The following NELL2 variants were observed in gnomAD, a reference collection of about 807,000 sequenced individuals.
NELL2 encodes protein kinase C-binding protein NELL2.
In NELL2, 41 loss-of-function variants were observed where a neutral mutation model predicts 109.6. The observed-to-expected ratio is 0.37, with a 90% CI of 0.29 to 0.49. NELL2 has a LOEUF of 0.49. Ranked by LOEUF, NELL2 falls within the 20% of genes least tolerant of loss-of-function variation. The probability of loss-of-function intolerance (pLI) is 0.98; values close to 1 mark genes in which losing one functional copy is unlikely to be tolerated. For synonymous variants in NELL2, 355 were observed against 344.7 expected (o/e 1.03, Z -0.33); for missense variants, 900 against 1,008.3 (o/e 0.89, Z 1.45).
chr12:44,800,486 G>A (rs1942791244), intron 3 of NELL2, among the ~76,000 whole-genome samples: 1 of 152,078 alleles, frequency 6.6e-6, no homozygotes, highest in Non-Finnish European at 1.5e-5. Flanking sequence ...CGCTTTCAAA[G>A]AACAAAGAAT....
intron 12 of NELL2, among the ~76,000 whole-genome samples, chr12:44,691,140 C>T (rs1284661467): frequency 6.6e-6 from 1 of 152,050 alleles, no homozygotes; most frequent in African/African-American, 2.4e-5. Flanking sequence ...CTTCAACTGC[C>T]TTTTACAGAT....
At chr12:44,745,893 A>T (rs1940316932) in intron 9 of NELL2, among the ~76,000 whole-genome samples, 1 of 152,230 alleles carries the variant, frequency 6.6e-6, no homozygotes, top group Non-Finnish European at 1.5e-5. Flanking sequence ...TATAGATTCA[A>T]TGCCATCCCC....
intron 13 of NELL2, among the ~76,000 whole-genome samples, chr12:44,627,913 A>T (rs1479761510): frequency 1.1e-4 from 17 of 152,216 alleles, no homozygotes; most frequent in Admixed American, 1.1e-3. Flanking sequence ...TATTGATAAA[A>T]TGTATTCCTG....
At chr12:44,899,288 G>C (rs1034961341) in intron 1 of NELL2, among the ~76,000 whole-genome samples, 2 of 152,098 alleles carry the variant, frequency 1.3e-5, no homozygotes, top group African/African-American at 2.4e-5. Context: ...TCCTCGAGAA[G>C]AGCAACCCAA....
At chr12:44,880,735 AG>A (rs1566588219), upstream of NELL2, 1 of 152,088 alleles carries the variant, frequency 6.6e-6, no homozygotes, top group Non-Finnish European at 1.5e-5. Context: ...GAATGTATAA[AG>A]TATTTGAGGA....
At chr12:44,873,436 A>C (rs1945221406) in intron 2 of NELL2, among the ~76,000 whole-genome samples, 1 of 152,170 alleles carries the variant, frequency 6.6e-6, no homozygotes, top group African/African-American at 2.4e-5. Context: ...AGGAAAAGTT[A>C]TCGATTCCTG....
intron 2 of NELL2, among the ~76,000 whole-genome samples, chr12:44,851,138 A>C (rs922453903): frequency 6.6e-6 from 1 of 152,182 alleles, no homozygotes; most frequent in Non-Finnish European, 1.5e-5. Flanking sequence ...AGAATCAACA[A>C]GAGAACTCTA....
intron 13 of NELL2, among the ~76,000 whole-genome samples, chr12:44,635,495 T>C (rs1213041684): frequency 6.6e-6 from 1 of 152,220 alleles, no homozygotes. Flanking sequence ...TTCAGTTTTC[T>C]GCACATGGCT....
intron 13 of NELL2, among the ~76,000 whole-genome samples, chr12:44,657,516 A>G (rs761991804): frequency 2.6e-5 from 4 of 152,178 alleles, no homozygotes; most frequent in South Asian, 4.1e-4. Context: ...GTTCTGGGAT[A>G]CATGTGCAGA....
chr12:44,589,759 CA>C (rs1232704256), intron 15 of NELL2, among the ~76,000 whole-genome samples: 6 of 152,102 alleles, frequency 3.9e-5, no homozygotes, highest in African/African-American at 1.4e-4. Flanking sequence ...AAAGGAAAAC[CA>C]AAATTTATTC....
At chr12:44,648,733 T>TA (rs1566084908) in intron 13 of NELL2, among the ~76,000 whole-genome samples, 202 of 22,306 alleles carry the variant, frequency 9.1e-3, no homozygotes, top group Non-Finnish European at 0.011. Flanking sequence ...ATATATATAT[T>TA]TTTTTTTTTT....
At chr12:44,619,187 C>T (rs1945949049) in intron 13 of NELL2, among the ~76,000 whole-genome samples, 1 of 152,106 alleles carries the variant, frequency 6.6e-6, no homozygotes, top group African/African-American at 2.4e-5. Flanking sequence ...AAGAACACTG[C>T]AGCTGGAGAA....
At chr12:44,706,886 G>GC (rs1937912338) in intron 11 of NELL2, among the ~76,000 whole-genome samples, 2 of 151,998 alleles carry the variant, frequency 1.3e-5, no homozygotes, top group Non-Finnish European at 2.9e-5. Context: ...AAAGTTCTAT[G>GC]TTTTTCTATC....
chr12:44,529,431 C>T (rs552664962), intron 16 of NELL2, among the ~76,000 whole-genome samples: 2 of 152,176 alleles, frequency 1.3e-5, no homozygotes, highest in South Asian at 4.2e-4. Context: ...GTTGAGCTAC[C>T]TAGTAGGCCA....
At chr12:44,840,949 T>C (rs1235737700) in intron 2 of NELL2, among the ~76,000 whole-genome samples, 1 of 152,234 alleles carries the variant, frequency 6.6e-6, no homozygotes. Flanking sequence ...CAAGTAGTTT[T>C]GTAGAACACT....
At chr12:44,921,735 T>G (rs1478745322) in intron 1 of NELL2, 2 of 152,132 alleles carry the variant, frequency 1.3e-5, no homozygotes, top group Non-Finnish European at 1.5e-5. Context: ...GCAGACAATA[T>G]TAGTGACCCT....
intron 16 of NELL2, among the ~76,000 whole-genome samples, chr12:44,524,462 G>A (rs1647567214): frequency 6.6e-6 from 1 of 152,178 alleles, no homozygotes; most frequent in African/African-American, 2.4e-5. Flanking sequence ...AAGTGGGTTA[G>A]AGACAAGATG....
chr12:44,812,928 TC>T (rs1273290872), intron 3 of NELL2, among the ~76,000 whole-genome samples: 1 of 152,180 alleles, frequency 6.6e-6, no homozygotes, highest in African/African-American at 2.4e-5. Context: ...AAAAGCCTAC[TC>T]CCATTTATTC....
At chr12:44,842,679 A>G (rs1187775067) in intron 2 of NELL2, among the ~76,000 whole-genome samples, 3 of 152,238 alleles carry the variant, frequency 2.0e-5, no homozygotes, top group African/African-American at 7.2e-5. Context: ...TGTCCCCCCA[A>G]AAATTCATGC....
Sources: gnomAD v4.1 joint callset for allele counts (sites outside exome capture counted in the v4.1 genomes callset) on GRCh38, gnomAD v4.1.1 for gene constraint, MANE v1.5 for transcripts, NCBI Gene and HGNC (gene_info 2026-07-23, HGNC 2026-07-21) for gene names.